FRYL: variants seen among roughly 807,000 people sequenced by gnomAD.
The protein encoded by FRYL is protein furry homolog-like.
Under a neutral mutation model 351.2 loss-of-function variants are expected in FRYL, and 150 were observed. The observed-to-expected ratio is 0.43, with a 90% CI of 0.37 to 0.49. The LOEUF (loss-of-function observed/expected upper bound fraction) is 0.49, where lower values mean the gene tolerates loss of function less well. Ranked by LOEUF, FRYL falls within the 20% of genes least tolerant of loss-of-function variation. FRYL has a pLI of 0.00. For synonymous variants in FRYL, 1,153 were observed against 1,257.1 expected (o/e 0.92, Z 1.75); for missense variants, 3,036 against 3,619.3 (o/e 0.84, Z 4.13).
chr4:48,741,255 G>GA lies in FRYL; in HGVS notation c.-383-30558dup, dbSNP rs1284887644. On this transcript the variant is annotated intron_variant, in intron 1 of 63. Transcript: ENST00000358350. Reference sequence around the variant, plus strand: ...AAGACTCATCTTTATTAAAAAAATAGAAAAATGACCAGGCACTGTGGCTCA... The same window carrying GA: ...AAGACTCATCTTTATTAAAAAAATAGAAAAAATGACCAGGCACTGTGGCTCA... Among the ~76,000 whole-genome samples, 3 of 151,936 alleles carry GA rather than the reference G, an allele frequency of 2.0e-5. No individual in the cohort carries two copies. The East Asian group carries it at 5.8e-4, about 29-fold the overall frequency.
At position 48,505,458 on chromosome 4, in the gene FRYL, G is replaced by T. The variant is rs546569604; in HGVS notation, c.8463+89C>A. The T allele has an allele frequency of 6.5e-5, 50 of 765,758 alleles. No individual in the cohort carries two copies. In the African/African-American group the frequency reaches 8.5e-4, roughly 13 times the overall value. The allele number at this position is 765,758 out of a possible 1,614,324, so 47.4% of individuals were successfully genotyped here. Reference sequence around the variant, plus strand: ...GTTTTACAAATATTCTTTATTTTTAGAAATAATCAAATAAGGATATTTGAA... The same window carrying T: ...GTTTTACAAATATTCTTTATTTTTATAAATAATCAAATAAGGATATTTGAA... On this transcript the variant is annotated intron_variant, in intron 60 of 63. Coordinates refer to ENST00000358350, the MANE Select transcript of FRYL (RefSeq NM_015030.2).
intron 50 of FRYL, among the ~76,000 whole-genome samples, chr4:48,529,330 A>C (rs545710742): frequency 6.6e-6 from 1 of 152,304 alleles, no homozygotes; most frequent in African/African-American, 2.4e-5. Flanking sequence ...GATTGCCTCT[A>C]TACCTTTGGT....
intron 1 of FRYL, among the ~76,000 whole-genome samples, chr4:48,761,148 A>G (rs1329235941): frequency 6.6e-6 from 1 of 152,032 alleles, no homozygotes; most frequent in African/African-American, 2.4e-5. Flanking sequence ...ATCCCTGTAT[A>G]TAATTTTGTT....
chr4:48,737,069 C>T (rs1471422269), intron 1 of FRYL, among the ~76,000 whole-genome samples: 3 of 151,576 alleles, frequency 2.0e-5, no homozygotes, highest in Non-Finnish European at 4.4e-5. Flanking sequence ...CATCTGAGGT[C>T]AGGAGTTTCA....
intron 48 of FRYL, 62 bp from the exon 49 acceptor site, chr4:48,534,747 TATTTACATTTG>T (rs1728493762): frequency 2.4e-5 from 25 of 1,024,368 alleles, no homozygotes; most frequent in Non-Finnish European, 3.6e-5. Context: ...AAAAACTCAA[TATTTACATTTG>T]ACAGGTTGGA....
At chr4:48,574,734 C>CT (rs1300485447) in intron 25 of FRYL, among the ~76,000 whole-genome samples, 6 of 152,108 alleles carry the variant, frequency 3.9e-5, no homozygotes, top group Non-Finnish European at 7.4e-5. Flanking sequence ...GAAAGATACT[C>CT]TAATTCTCTT....
In FRYL at chr4:48,609,832, T is replaced by C; in HGVS notation, c.412-9A>G. ...ACAGGATGAACAGGAATCTAGAATT[T>C]AAAAAAATTATCAAGTAAGAGTTAA... On this transcript the variant is annotated splice_polypyrimidine_tract_variant and intron_variant, in intron 7 of 63. Coordinates refer to ENST00000358350, the MANE Select transcript of FRYL (RefSeq NM_015030.2). 1 of 1,486,618 alleles carries C rather than the reference T, an allele frequency of 6.7e-7. No homozygotes were observed. The highest frequency in any genetic ancestry group is 9.2e-7 in the Non-Finnish European group (1 of 1,085,818). 92.1% of individuals were successfully genotyped at this position (1,486,618 alleles called of 1,614,324 possible).
At chr4:48,546,415 TGATCCTC>T in intron 41 of FRYL, 144 bp from the exon 42 acceptor site, 1 of 655,472 alleles carries the variant, frequency 1.5e-6, no homozygotes, top group Admixed American at 2.8e-5. Flanking sequence ...GTGCTCCTGC[TGATCCTC>T]ATGAACACCA....
At chr4:48,538,311 CTTTTAGAATAATTATA>C (rs67145410) in intron 47 of FRYL, among the ~76,000 whole-genome samples, 144,211 of 152,236 alleles carry the variant, frequency 0.95, 68,416 homozygotes, top group South Asian at 0.98. Flanking sequence ...AAAATACATG[CTTTTAGAATAATTATA>C]TTAAGAATCT....
chr4:48,511,775 G>C (rs1722531424), intron 57 of FRYL, among the ~76,000 whole-genome samples: 1 of 152,156 alleles, frequency 6.6e-6, no homozygotes, highest in African/African-American at 2.4e-5. Flanking sequence ...GGTTGGGAAG[G>C]CTTCGGTAAG....
intron 58 of FRYL, 85 bp downstream of exon 58, chr4:48,510,750 A>G: frequency 1.9e-6 from 2 of 1,074,894 alleles, no homozygotes; most frequent in East Asian, 2.4e-5. Flanking sequence ...ATACCATAAA[A>G]TTCAGAATTA....
intron 62 of FRYL, among the ~76,000 whole-genome samples, chr4:48,500,747 A>G (rs1169680389): frequency 8.5e-5 from 13 of 152,190 alleles, no homozygotes; most frequent in Admixed American, 3.9e-4. Context: ...TTCAACATTC[A>G]AAGTGTTTTT....
intron 47 of FRYL, 94 bp from the exon 48 acceptor site, chr4:48,535,921 T>C (rs1208712089): frequency 9.8e-7 from 1 of 1,017,232 alleles, no homozygotes; most frequent in African/African-American, 1.7e-5. Flanking sequence ...TGAAATAATT[T>C]AGATGTATAT....
At chr4:48,527,713 G>T in intron 52 of FRYL, 60 bp from the exon 53 acceptor site, 1 of 1,502,876 alleles carries the variant, frequency 6.7e-7, no homozygotes. Flanking sequence ...CTCTGCGTAT[G>T]AGGTATCAGT....
chr4:48,553,402 T>G lies in FRYL; in HGVS notation c.4267-19A>C, dbSNP rs759444352. On this transcript the variant is annotated intron_variant, in intron 35 of 63. Coordinates refer to ENST00000358350, the MANE Select transcript of FRYL (RefSeq NM_015030.2). Reference sequence around the variant, plus strand: ...TCTTCACCTGTCACAAAAGAAATCGTTCAGAAAAGAAAAAGCAAAGTTTTT... The same window carrying G: ...TCTTCACCTGTCACAAAAGAAATCGGTCAGAAAAGAAAAAGCAAAGTTTTT... The G allele has an allele frequency of 1.1e-5, 18 of 1,586,420 alleles. No homozygotes were observed. Among genetic ancestry groups the G allele is most frequent in the Non-Finnish European group, 1.5e-5 (17 of 1,165,610 alleles).
intron 3 of FRYL, among the ~76,000 whole-genome samples, chr4:48,676,359 CCAACA>C (rs1375099966): frequency 1.2e-4 from 19 of 152,120 alleles, no homozygotes; most frequent in African/African-American, 4.6e-4. Flanking sequence ...GAAGAAACTC[CCAACA>C]CATCTGAACA....
rs530024083 is a variant in FRYL, at chr4:48,575,007, C to T, written c.2846+110G>A. On this transcript the variant is annotated intron_variant, in intron 25 of 63. Transcript: ENST00000358350. ...ATTGGTGAAAGTCAGGCCTGGTATGCGGTCAAGCACTCTGCTTGACCCTAC... is the reference window on the plus strand; with the variant it reads ...ATTGGTGAAAGTCAGGCCTGGTATGTGGTCAAGCACTCTGCTTGACCCTAC... 27 of 864,128 alleles carry T rather than the reference C, an allele frequency of 3.1e-5. No individual in the cohort carries two copies. In the South Asian group the frequency reaches 3.3e-4, roughly 11 times the overall value. 53.5% of individuals were successfully genotyped at this position (864,128 alleles called of 1,614,324 possible). A position where few individuals can be genotyped will look rare whatever the true frequency, so the allele number is the denominator to read the frequency against.
chr4:48,557,903 A>G (rs1734484002), intron 33 of FRYL, among the ~76,000 whole-genome samples, 191 bp from the exon 34 acceptor site: 1 of 152,240 alleles, frequency 6.6e-6, no homozygotes, highest in East Asian at 1.9e-4. Context: ...AACATAAATC[A>G]CATACATTTT....
intron 1 of FRYL, among the ~76,000 whole-genome samples, chr4:48,729,751 G>A (rs1770515578): frequency 6.6e-6 from 1 of 152,152 alleles, no homozygotes; most frequent in South Asian, 2.1e-4. Flanking sequence ...CAACATCAAA[G>A]ACCAAAGGTA....
Sources: gnomAD v4.1 joint callset for allele counts (sites outside exome capture counted in the v4.1 genomes callset) on GRCh38, gnomAD v4.1.1 for gene constraint, MANE v1.5 for transcripts, NCBI Gene and HGNC (gene_info 2026-07-23, HGNC 2026-07-21) for gene names.